Variants in GNB2 observed in about 807,000 individuals in gnomAD.
The protein encoded by GNB2 is guanine nucleotide-binding protein G(I)/G(S)/G(T) subunit beta-2.
GNB2 carries 7 observed loss-of-function variants against 40.7 expected under a neutral mutation model. That is an observed-to-expected ratio of 0.17 (90% confidence interval 0.10 to 0.32). GNB2 has a LOEUF of 0.32. GNB2 is among the 10% of genes least tolerant of loss of function. GNB2 has a pLI of 1.00. For missense variants in GNB2, 286 were observed against 473.0 expected (o/e 0.60, Z 3.67); for synonymous variants, 254 against 191.2 (o/e 1.33, Z -2.71).
In GNB2 at chr7:100,676,024, CTG is replaced by C. The variant is rs768702216; in HGVS notation, c.-89-152_-89-151del. On this transcript the variant is annotated intron_variant, in intron 1 of 9. Transcript: ENST00000303210. ...AGTCGGCTCTTACTCGGCGACGTCTCTGGTGCCGGAGACCCTGGTTGTGCCCG... is the reference window on the plus strand; with the variant it reads ...AGTCGGCTCTTACTCGGCGACGTCTCGTGCCGGAGACCCTGGTTGTGCCCG... The C allele has an allele frequency of 3.4e-3, 1,650 of 482,666 alleles. 5 individuals carry two copies. Among genetic ancestry groups the C allele is most frequent in the Non-Finnish European group, 4.0e-3 (1,112 of 275,056 alleles). 29.9% of individuals were successfully genotyped at this position (482,666 alleles called of 1,614,324 possible). A position where few individuals can be genotyped will look rare whatever the true frequency, so the allele number is the denominator to read the frequency against.
chr7:100,676,031 C>T lies in GNB2; in HGVS notation c.-89-146C>T, dbSNP rs555448585. ...TCTTACTCGGCGACGTCTCTGGTGC[C>T]GGAGACCCTGGTTGTGCCCGGGGAC... On this transcript the variant is annotated intron_variant, in intron 1 of 9. Transcript: ENST00000303210. The T allele has an allele frequency of 8.3e-4, 406 of 487,684 alleles. 2 individuals carry two copies. Among genetic ancestry groups the T allele is most frequent in the African/African-American group, 7.6e-3 (369 of 48,748 alleles). The allele number at this position is 487,684 out of a possible 1,614,324, so 30.2% of individuals were successfully genotyped here. A position where few individuals can be genotyped will look rare whatever the true frequency, so the allele number is the denominator to read the frequency against.
Position 100,678,852 on chromosome 7 carries a change from C to T in GNB2, c.*51C>T, listed in dbSNP as rs1804428597. The T allele has an allele frequency of 1.4e-6, 2 of 1,383,862 alleles. No homozygotes were observed. The highest frequency in any genetic ancestry group is 2.1e-6 in the Non-Finnish European group (2 of 974,720). 85.7% of individuals were successfully genotyped at this position (1,383,862 alleles called of 1,614,324 possible). Reference sequence around the variant, plus strand: ...CCAGGAGGGGCCCTGCCCATGCCCACACTACAGGCCAGGGCTGCGGGGCTG... The same window carrying T: ...CCAGGAGGGGCCCTGCCCATGCCCATACTACAGGCCAGGGCTGCGGGGCTG... On this transcript the variant is annotated 3_prime_UTR_variant, in exon 10 of 10. Coordinates refer to ENST00000303210, the MANE Select transcript of GNB2 (RefSeq NM_005273.4).
In GNB2 at chr7:100,673,799, C is replaced by T. The variant is rs1221900011; in HGVS notation, c.-214C>T. Reference sequence around the variant, plus strand: ...AGCGCTGGCGGCGGGGCTGGGGCCACTGAGGAAATCCATCCGCGCCGCCGC... The same window carrying T: ...AGCGCTGGCGGCGGGGCTGGGGCCATTGAGGAAATCCATCCGCGCCGCCGC... On this transcript the variant is annotated 5_prime_UTR_variant, in exon 1 of 10. Transcript: ENST00000303210. 2 of 180,874 alleles carry T rather than the reference C, an allele frequency of 1.1e-5. No homozygotes were observed. The highest frequency in any genetic ancestry group is 2.5e-5 in the African/African-American group (1 of 40,246). The allele number at this position is 180,874 out of a possible 1,614,324, so 11.2% of individuals were successfully genotyped here. A position where few individuals can be genotyped will look rare whatever the true frequency, so the allele number is the denominator to read the frequency against.
chr7:100,674,725 C>A (rs1022993467), intron 1 of GNB2, among the ~76,000 whole-genome samples: 1 of 152,164 alleles, frequency 6.6e-6, no homozygotes, highest in African/African-American at 2.4e-5. Flanking sequence ...AGTCTGGGGG[C>A]TGCTGAGGGC....
intron 3 of GNB2, 31 bp downstream of exon 3, chr7:100,676,604 A>G: frequency 6.3e-7 from 1 of 1,580,890 alleles, no homozygotes; most frequent in East Asian, 2.2e-5. Context: ...GAGCGTAACT[A>G]GGGGTTGAAG....
intron 2 of GNB2, 105 bp downstream of exon 2, chr7:100,676,427 A>C: frequency 7.8e-7 from 1 of 1,284,718 alleles, no homozygotes; most frequent in East Asian, 2.3e-5. Context: ...AGGGCCCCTT[A>C]ATGGCTCAGA....
intron 1 of GNB2, among the ~76,000 whole-genome samples, chr7:100,674,381 C>T (rs2131348435): frequency 6.6e-6 from 1 of 152,324 alleles, no homozygotes; most frequent in South Asian, 2.1e-4. Context: ...CGCCACCCTT[C>T]CTTTCGTCTC....
At chr7:100,677,949 A>C in intron 7 of GNB2, 131 bp downstream of exon 7, 2 of 1,002,864 alleles carry the variant, frequency 2.0e-6, no homozygotes, top group Non-Finnish European at 3.0e-6. Context: ...GGGGTCAGGG[A>C]GGGATGCGTC....
rs556907308 is a variant in GNB2, at chr7:100,678,955, G to T, written c.*154G>T. 22 of 624,904 alleles carry T rather than the reference G, an allele frequency of 3.5e-5. 1 individual carries two copies. In the South Asian group the frequency reaches 3.9e-4, roughly 11 times the overall value. The allele number at this position is 624,904 out of a possible 1,614,324, so 38.7% of individuals were successfully genotyped here. A position where few individuals can be genotyped will look rare whatever the true frequency, so the allele number is the denominator to read the frequency against. On this transcript the variant is annotated 3_prime_UTR_variant, in exon 10 of 10. Transcript: ENST00000303210. Reference sequence around the variant, plus strand: ...CCACCCAGGTTTGGTTCCTCCCGGGGCCCCCACTGTGGAGATAAGAAGGGG... The same window carrying T: ...CCACCCAGGTTTGGTTCCTCCCGGGTCCCCCACTGTGGAGATAAGAAGGGG...
In GNB2 at chr7:100,676,532, C is replaced by T; in HGVS notation, c.58-3C>T. 4 of 1,608,766 alleles carry T rather than the reference C, an allele frequency of 2.5e-6. No homozygotes were observed. Among genetic ancestry groups the T allele is most frequent in the South Asian group, 2.2e-5 (2 of 91,004 alleles). On this transcript the variant is annotated splice_polypyrimidine_tract_variant and splice_region_variant and intron_variant, in intron 2 of 9. Coordinates refer to ENST00000303210, the MANE Select transcript of GNB2 (RefSeq NM_005273.4). ...GTCTCTCTGGCTCTGCCATCCCTTA[C>T]AGGATGCCCGAAAAGCATGTGGGGA...
At chr7:100,677,905 G>A in intron 7 of GNB2, 87 bp downstream of exon 7, 5 of 1,231,008 alleles carry the variant, frequency 4.1e-6, no homozygotes, top group South Asian at 3.8e-5. Flanking sequence ...CATGCAGCAT[G>A]CACCGTAGCC....
chr7:100,677,220 T>G, intron 4 of GNB2, 132 bp from the exon 5 acceptor site: 14 of 688,186 alleles, frequency 2.0e-5, no homozygotes, highest in Non-Finnish European at 2.8e-5. Context: ...CAGGCTGCAG[T>G]GAGCTGTGAT....
At chr7:100,674,224 T>C (rs1266589068) in intron 1 of GNB2, among the ~76,000 whole-genome samples, 7 of 150,568 alleles carry the variant, frequency 4.6e-5, no homozygotes, top group Admixed American at 4.6e-4. Flanking sequence ...AATTCCGGGC[T>C]TCCTCTAGGC....
intron 7 of GNB2, 105 bp downstream of exon 7, chr7:100,677,923 C>G: frequency 1.8e-6 from 2 of 1,117,044 alleles, no homozygotes; most frequent in South Asian, 2.7e-5. Flanking sequence ...GCCTCCCTCT[C>G]CTGGTGGGCG....
At chr7:100,676,965 T>C (rs1402881153) in intron 4 of GNB2, 166 bp downstream of exon 4, 1 of 603,926 alleles carries the variant, frequency 1.7e-6, no homozygotes, top group Non-Finnish European at 2.9e-6. Flanking sequence ...AGGACCATGC[T>C]GGTGAGAACT....
In GNB2 at chr7:100,679,026, T is replaced by C. The variant is rs1360994121; in HGVS notation, c.*225T>C. On this transcript the variant is annotated 3_prime_UTR_variant, in exon 10 of 10. Coordinates refer to ENST00000303210, the MANE Select transcript of GNB2 (RefSeq NM_005273.4). ...GAGCAGGAGGCCCTCATCCTTCTGC[T>C]GCCCTGGGGTTGGGGCCTCACCCCT... is the stretch of plus-strand genomic sequence containing the variant. 8 of 537,196 alleles carry C rather than the reference T, an allele frequency of 1.5e-5. No individual in the cohort carries two copies. In the East Asian group the frequency reaches 2.3e-4, roughly 16 times the overall value. The allele number at this position is 537,196 out of a possible 1,614,324, so 33.3% of individuals were successfully genotyped here.
chr7:100,677,673 G>A lies in GNB2; in HGVS notation c.430+13G>A, dbSNP rs1330775563. ...CCTGGCCACACTGGTGAGGGGCCTGGCCCAGTTCGGGCCCTTTTTGGGGTT... is the reference window on the plus strand; with the variant it reads ...CCTGGCCACACTGGTGAGGGGCCTGACCCAGTTCGGGCCCTTTTTGGGGTT... On this transcript the variant is annotated intron_variant, in intron 6 of 9. Coordinates refer to ENST00000303210, the MANE Select transcript of GNB2 (RefSeq NM_005273.4). The A allele has an allele frequency of 3.7e-6, 6 of 1,613,220 alleles. No homozygotes were observed. The South Asian group carries it at 6.6e-5, about 18-fold the overall frequency.
At chr7:100,674,202 G>C (rs928026019) in intron 1 of GNB2, among the ~76,000 whole-genome samples, 2 of 151,826 alleles carry the variant, frequency 1.3e-5, no homozygotes, top group Admixed American at 6.6e-5. Context: ...TCCCTCGGAA[G>C]TTGGGGGGCT....
intron 1 of GNB2, 44 bp from the exon 2 acceptor site, chr7:100,676,133 T>G (rs1804341236): frequency 1.8e-6 from 1 of 544,402 alleles, no homozygotes. Flanking sequence ...TTCTCCCCAC[T>G]TCCCCGGCGG....
Sources: gnomAD v4.1 joint callset for allele counts (sites outside exome capture counted in the v4.1 genomes callset) on GRCh38, gnomAD v4.1.1 for gene constraint, MANE v1.5 for transcripts, NCBI Gene and HGNC (gene_info 2026-07-23, HGNC 2026-07-21) for gene names.